The following ACVR2A variants were observed in gnomAD, a reference collection of about 807,000 sequenced individuals.
ACVR2A encodes activin receptor type-2A.
Under a neutral mutation model 61.4 loss-of-function variants are expected in ACVR2A, and 7 were observed. The observed-to-expected ratio is 0.11, with a 90% CI of 0.06 to 0.21. ACVR2A has a LOEUF of 0.21. ACVR2A is among the 10% of genes least tolerant of loss of function. The probability of loss-of-function intolerance (pLI) is 1.00; values close to 1 mark genes in which losing one functional copy is unlikely to be tolerated. For missense variants in ACVR2A, 322 were observed against 621.7 expected (o/e 0.52, Z 5.13); for synonymous variants, 193 against 208.3 (o/e 0.93, Z 0.63).
At chr2:147,860,854 T>G (rs1305412125) in intron 1 of ACVR2A, among the ~76,000 whole-genome samples, 2 of 152,208 alleles carry the variant, frequency 1.3e-5, no homozygotes, top group East Asian at 3.9e-4. Context: ...ACTTAGTATT[T>G]TTTAGCCCAT....
chr2:147,853,542 G>C (rs185883151), intron 1 of ACVR2A, among the ~76,000 whole-genome samples: 79 of 152,138 alleles, frequency 5.2e-4, no homozygotes, highest in Admixed American at 4.7e-3. Flanking sequence ...TTTTGGACTA[G>C]TTTTTTCTTT....
At chr2:147,845,896 C>T (rs921835138) in intron 1 of ACVR2A, among the ~76,000 whole-genome samples, 6 of 152,194 alleles carry the variant, frequency 3.9e-5, no homozygotes, top group African/African-American at 1.4e-4. Flanking sequence ...ATTTTGCTTA[C>T]CTACGGAATA....
chr2:147,905,520 T>C (rs1350258842), intron 4 of ACVR2A, among the ~76,000 whole-genome samples: 1 of 151,996 alleles, frequency 6.6e-6, no homozygotes, highest in East Asian at 1.9e-4. Flanking sequence ...GTTTGAAATA[T>C]GACATAATGC....
In ACVR2A at chr2:147,883,128, A is replaced by G. The variant is rs1268000971; in HGVS notation, c.56-13173A>G. Among the ~76,000 whole-genome samples the G allele has an allele frequency of 2.6e-5, 4 of 152,230 alleles. No homozygotes were observed. In the East Asian group the frequency reaches 5.8e-4, roughly 22 times the overall value. Reference sequence around the variant, plus strand: ...GTGACTGCCTCTAGGATGTGTATCAATATAGAAAAGAAAAGATATCAAAAG... The same window carrying G: ...GTGACTGCCTCTAGGATGTGTATCAGTATAGAAAAGAAAAGATATCAAAAG... On this transcript the variant is annotated intron_variant, in intron 1 of 10. Transcript: ENST00000241416.
rs575454091 is a variant in ACVR2A, at chr2:147,859,663, A to G, written c.55+14456A>G. Reference sequence around the variant, plus strand: ...AGCCTGTGTTCCAAGGGTTTGGGGTACTGATCCTGAGTTTTTTTGTTTGTT... The same window carrying G: ...AGCCTGTGTTCCAAGGGTTTGGGGTGCTGATCCTGAGTTTTTTTGTTTGTT... On this transcript the variant is annotated intron_variant, in intron 1 of 10. Transcript: ENST00000241416. Among the ~76,000 whole-genome samples, 5 of 152,166 alleles carry G rather than the reference A, an allele frequency of 3.3e-5. No individual in the cohort carries two copies. The East Asian group carries it at 7.7e-4, about 24-fold the overall frequency.
At chr2:147,881,110 T>G (rs1015556333) in intron 1 of ACVR2A, among the ~76,000 whole-genome samples, 3 of 152,208 alleles carry the variant, frequency 2.0e-5, no homozygotes, top group Non-Finnish European at 2.9e-5. Flanking sequence ...AGTTGAGATC[T>G]GGAACATTTT....
chr2:147,872,907 A>C (rs1432059269), intron 1 of ACVR2A, among the ~76,000 whole-genome samples: 1 of 151,894 alleles, frequency 6.6e-6, no homozygotes, highest in Non-Finnish European at 1.5e-5. Context: ...TTCCAAGTAC[A>C]AGATAGGACT....
chr2:147,919,581 T>A (rs1161700349), intron 7 of ACVR2A, among the ~76,000 whole-genome samples: 5 of 152,168 alleles, frequency 3.3e-5, no homozygotes, highest in African/African-American at 1.2e-4. Flanking sequence ...TAGATGTATT[T>A]AACTAGGGTA....
intron 1 of ACVR2A, 142 bp from the exon 2 acceptor site, chr2:147,896,159 C>A: frequency 1.5e-6 from 1 of 649,532 alleles, no homozygotes; most frequent in Non-Finnish European, 2.6e-6. Flanking sequence ...CAGGGATTAA[C>A]CTGGAAACCT....
At chr2:147,858,208 C>A (rs969664920) in intron 1 of ACVR2A, among the ~76,000 whole-genome samples, 3 of 152,150 alleles carry the variant, frequency 2.0e-5, no homozygotes, top group African/African-American at 4.8e-5. Context: ...GCTGAACATG[C>A]AACCTTTAAA....
intron 1 of ACVR2A, among the ~76,000 whole-genome samples, chr2:147,883,502 C>T (rs1686359655): frequency 6.6e-6 from 1 of 152,004 alleles, no homozygotes; most frequent in Non-Finnish European, 1.5e-5. Context: ...AATGAGTTTT[C>T]AAGTAGGAAA....
intron 1 of ACVR2A, among the ~76,000 whole-genome samples, chr2:147,864,332 C>T (rs1187034077): frequency 2.0e-5 from 3 of 152,098 alleles, no homozygotes. Flanking sequence ...CAGTTTCAAG[C>T]AATTCTCCTG....
intron 1 of ACVR2A, among the ~76,000 whole-genome samples, chr2:147,863,982 G>A (rs1023568638): frequency 9.2e-5 from 14 of 152,144 alleles, no homozygotes; most frequent in Admixed American, 2.6e-4. Flanking sequence ...TGCTCATGTA[G>A]AAGAAAACAA....
chr2:147,904,845 G>T (rs945203498), intron 4 of ACVR2A, among the ~76,000 whole-genome samples: 1 of 151,916 alleles, frequency 6.6e-6, no homozygotes, highest in African/African-American at 2.4e-5. Context: ...TCCTTACTGG[G>T]GGAGGGTGCA....
At chr2:147,870,221 G>A (rs556141809) in intron 1 of ACVR2A, among the ~76,000 whole-genome samples, 1 of 152,014 alleles carries the variant, frequency 6.6e-6, no homozygotes, top group Admixed American at 6.6e-5. Flanking sequence ...TTCTATAATC[G>A]TAAATGCCTG....
chr2:147,898,568 G>A (rs1686798958), intron 2 of ACVR2A, among the ~76,000 whole-genome samples: 1 of 151,792 alleles, frequency 6.6e-6, no homozygotes, highest in South Asian at 2.1e-4. Flanking sequence ...TTTCACTTAA[G>A]AATTAAATTC....
At chr2:147,876,383 G>T (rs963025620) in intron 1 of ACVR2A, among the ~76,000 whole-genome samples, 1 of 151,840 alleles carries the variant, frequency 6.6e-6, no homozygotes, top group Non-Finnish European at 1.5e-5. Flanking sequence ...TTTAAATTTG[G>T]TTTAATAAAA....
chr2:147,889,926 T>C (rs1396849157), intron 1 of ACVR2A, among the ~76,000 whole-genome samples: 3 of 151,442 alleles, frequency 2.0e-5, no homozygotes, highest in African/African-American at 7.3e-5. Context: ...TACTAGATTA[T>C]GTGATTAGAC....
In ACVR2A at chr2:147,930,355, G is replaced by GTTTTTTTT. The variant is rs5835176; in HGVS notation, c.*3091_*3098dup. The stretch of plus-strand genomic sequence containing the variant: ...GAATAAACTGATTACTGGTTTTTTT[G>GTTTTTTTT]TTTTTTTTTTTTTTTTTAAAGAAAG... On this transcript the variant is annotated 3_prime_UTR_variant, in exon 11 of 11. Transcript: ENST00000241416. 4 of 132,286 alleles carry GTTTTTTTT rather than the reference G, an allele frequency of 3.0e-5. No homozygotes were observed. Among genetic ancestry groups the GTTTTTTTT allele is most frequent in the Non-Finnish European group, 3.3e-5 (2 of 60,246 alleles). 8.2% of individuals were successfully genotyped at this position (132,286 alleles called of 1,614,324 possible). A position where few individuals can be genotyped will look rare whatever the true frequency, so the allele number is the denominator to read the frequency against.
Sources: allele counts gnomAD v4.1 joint callset (sites outside exome capture counted in the v4.1 genomes callset), GRCh38; gene constraint gnomAD v4.1.1; transcripts MANE v1.5; gene names NCBI Gene and HGNC (gene_info 2026-07-23, HGNC 2026-07-21).